The following FBXO32 variants were observed in gnomAD, a reference collection of about 807,000 sequenced individuals.
The protein encoded by FBXO32 is F-box protein 32, also known as F-box only protein 32.
In FBXO32, 15 loss-of-function variants were observed where a neutral mutation model predicts 48.3. The observed-to-expected ratio is 0.31, with a 90% CI of 0.21 to 0.48. FBXO32 has a LOEUF of 0.48. FBXO32 is among the 20% of genes least tolerant of loss of function. The pLI is 0.99. For missense variants in FBXO32, 309 were observed against 432.7 expected (o/e 0.71, Z 2.54); for synonymous variants, 154 against 165.9 (o/e 0.93, Z 0.55).
At chr8:123,533,053 T>G in intron 3 of FBXO32, 138 bp downstream of exon 3, 1 of 649,932 alleles carries the variant, frequency 1.5e-6, no homozygotes, top group South Asian at 2.0e-5. Context: ...GGCTAAATAA[T>G]AGACTAATAG....
rs1477103053 is a variant in FBXO32 at position 123,540,865 on chromosome 8, G to C, written c.116+34C>G. ...CCCCAGACCAGCCCGGGTCAGTTTC[G>C]CGGGGGCTGGAAGTTGGTAGCGGGT... is the stretch of plus-strand genomic sequence containing the variant. On this transcript the variant is annotated intron_variant, in intron 1 of 8. Coordinates refer to ENST00000517956, the MANE Select transcript of FBXO32 (RefSeq NM_058229.4). This position sits in a 1 kb window ranked among gnomAD's most constrained non-coding sequence, Gnocchi z 6.4. 1.3e-6 allele frequency: 2 copies of C among 1,568,084 alleles called. No homozygotes were observed. Among genetic ancestry groups the C allele is most frequent in the South Asian group, 2.2e-5 (2 of 89,388 alleles).
At position 123,511,292 on chromosome 8, in the gene FBXO32, A is replaced by G. The variant is rs529813024; in HGVS notation, c.651+1906T>C. 3.3e-5 allele frequency among the ~76,000 whole-genome samples: 5 copies of G among 152,170 alleles called. No individual in the cohort carries two copies. In the South Asian group the frequency reaches 1.0e-3, roughly 32 times the overall value. On this transcript the variant is annotated intron_variant, in intron 6 of 8. Coordinates refer to ENST00000517956, the MANE Select transcript of FBXO32 (RefSeq NM_058229.4). ...TGGTCCCCACTCCACCTCCACTCCA[A>G]GAGGGGTAACAACAGCTACAATAGC...
chr8:123,533,568 G>A (rs1468008207), intron 2 of FBXO32, among the ~76,000 whole-genome samples: 1 of 152,204 alleles, frequency 6.6e-6, no homozygotes, highest in Non-Finnish European at 1.5e-5. Flanking sequence ...AGCACTGTGG[G>A]AGGTTGAGGC....
chr8:123,518,943 T>A (rs918348140), intron 4 of FBXO32, among the ~76,000 whole-genome samples: 11 of 152,146 alleles, frequency 7.2e-5, no homozygotes, highest in Admixed American at 2.6e-4. Context: ...CACCTCAGCC[T>A]CCCAAGTAGC....
In FBXO32 at chr8:123,504,670, G is replaced by T; in HGVS notation, c.912C>A (p.Tyr304Ter). The T allele has an allele frequency of 6.2e-7, 1 of 1,614,060 alleles. No individual in the cohort carries two copies. The highest frequency in any genetic ancestry group is 8.5e-7 in the Non-Finnish European group (1 of 1,179,986). The change falls in exon 8 of 9, where the codon TAC (tyrosine) becomes TAA (stop). Residue 304 changes from tyrosine (Y) to a stop codon, truncating the protein, a stop_gained. Coordinates refer to ENST00000517956, the MANE Select transcript of FBXO32 (RefSeq NM_058229.4). LOFTEE classifies it high-confidence loss of function. ...KKMYFKLVRC[Y>*]PRKEQYGDTL... ...TATCTCCATACTGCTCTTTCCTTGG[G>T]TAACATCGGACAAGTTTGAAATACA...
intron 8 of FBXO32, among the ~76,000 whole-genome samples, chr8:123,504,344 G>A (rs1816566153): frequency 6.6e-6 from 1 of 152,048 alleles, no homozygotes; most frequent in African/African-American, 2.4e-5. Context: ...GTGTGTACCC[G>A]TACACACAGA....
chr8:123,505,055 TA>T (rs1246807082), intron 7 of FBXO32, among the ~76,000 whole-genome samples: 1 of 152,244 alleles, frequency 6.6e-6, no homozygotes, highest in Non-Finnish European at 1.5e-5. Context: ...GTGATCTCAG[TA>T]AACAACTTTA....
intron 6 of FBXO32, among the ~76,000 whole-genome samples, chr8:123,507,510 A>G (rs894398195): frequency 3.3e-5 from 5 of 150,118 alleles, no homozygotes; most frequent in Non-Finnish European, 5.9e-5. Context: ...CAGGTCCAGA[A>G]GCCTTTGGCC....
At chr8:123,515,154 GGTT>G (rs1816814251) in intron 4 of FBXO32, among the ~76,000 whole-genome samples, 1 of 152,200 alleles carries the variant, frequency 6.6e-6, no homozygotes, top group Non-Finnish European at 1.5e-5. Flanking sequence ...AATAATACAA[GGTT>G]GTTGTGAGTG....
Position 123,513,317 on chromosome 8 carries a change from A to G in FBXO32, c.532T>C (p.Cys178Arg), listed in dbSNP as rs1358590505. The change falls in exon 6 of 9, where the codon TGT (cysteine) becomes CGT (arginine). Residue 178 changes from cysteine to arginine, a missense_variant. Coordinates refer to ENST00000517956, the MANE Select transcript of FBXO32 (RefSeq NM_058229.4). This position sits in a 1 kb window ranked among gnomAD's most constrained non-coding sequence, Gnocchi z 4.3. ...ELLQTLYTSL[C>R]TLVQRVGKSV... is the part of the protein sequence containing the mutation. ...TTGCCGACTCTTTGGACCAGTGTAC[A>G]TAAGGATGTGTAGAGGGTCTGGAGT... The G allele has an allele frequency of 6.2e-7, 1 of 1,614,224 alleles. No homozygotes were observed.
intron 2 of FBXO32, among the ~76,000 whole-genome samples, chr8:123,533,600 G>C (rs1019313994): frequency 6.6e-6 from 1 of 152,174 alleles, no homozygotes; most frequent in South Asian, 2.1e-4. Context: ...TAGAGGTCAG[G>C]AGTTCGAGAC....
intron 7 of FBXO32, among the ~76,000 whole-genome samples, chr8:123,505,447 T>A (rs1157532729): frequency 7.2e-6 from 1 of 138,494 alleles, no homozygotes; most frequent in Non-Finnish European, 1.5e-5. Context: ...GTAAAAGTAC[T>A]CTACCACACA....
intron 4 of FBXO32, among the ~76,000 whole-genome samples, chr8:123,522,996 C>A (rs72709027): frequency 0.061 from 9,309 of 152,198 alleles, 431 homozygotes; most frequent in South Asian, 0.18. Context: ...TAGAAATACC[C>A]GTTCAGGGGC....
At position 123,540,328 on chromosome 8, in the gene FBXO32, G is replaced by A. The variant is rs750949744; in HGVS notation, c.116+571C>T. Among the ~76,000 whole-genome samples the A allele has an allele frequency of 2.1e-4, 32 of 152,214 alleles. No individual in the cohort carries two copies. Among genetic ancestry groups the A allele is most frequent in the Non-Finnish European group, 4.1e-4 (28 of 68,032 alleles). ...TCGCAAGTCCGCCCAGTAAGCGGCT[G>A]CCCCAGGGACCATCTGGCCGTCCCT... On this transcript the variant is annotated intron_variant, in intron 1 of 8. Coordinates refer to ENST00000517956, the MANE Select transcript of FBXO32 (RefSeq NM_058229.4). The surrounding 1 kb of genome is among the most constrained non-coding windows in gnomAD (Gnocchi z 6.4).
chr8:123,533,885 G>A lies in FBXO32; in HGVS notation c.230-645C>T, dbSNP rs575719399. ...AGCGGGGTAGATCGCTTGAGCCCTGGAGTTTGAGACCAGCCTGGGCAACAT... is the reference window on the plus strand; with the variant it reads ...AGCGGGGTAGATCGCTTGAGCCCTGAAGTTTGAGACCAGCCTGGGCAACAT... On this transcript the variant is annotated intron_variant, in intron 2 of 8. Transcript: ENST00000517956. 2.0e-5 allele frequency among the ~76,000 whole-genome samples: 3 copies of A among 151,934 alleles called. No individual in the cohort carries two copies. The East Asian group carries it at 5.8e-4, about 29-fold the overall frequency.
chr8:123,506,639 T>G lies in FBXO32; in HGVS notation c.652-65A>C. On this transcript the variant is annotated intron_variant, in intron 6 of 8. Transcript: ENST00000517956. This position sits in a 1 kb window ranked among gnomAD's most constrained non-coding sequence, Gnocchi z 4.0. ...AGCAGCGATTCACCAGGCCACACCCTCCAGGCATGCAGCTGTGCCCGTCCT... is the reference window on the plus strand; with the variant it reads ...AGCAGCGATTCACCAGGCCACACCCGCCAGGCATGCAGCTGTGCCCGTCCT... The G allele has an allele frequency of 2.1e-6, 3 of 1,396,528 alleles. No individual in the cohort carries two copies. Among genetic ancestry groups the G allele is most frequent in the Non-Finnish European group, 2.0e-6 (2 of 1,018,472 alleles). The allele number at this position is 1,396,528 out of a possible 1,614,324, so 86.5% of individuals were successfully genotyped here. A position where few individuals can be genotyped will look rare whatever the true frequency, so the allele number is the denominator to read the frequency against.
chr8:123,539,648 A>G (rs1817373970), intron 1 of FBXO32, among the ~76,000 whole-genome samples: 2 of 152,226 alleles, frequency 1.3e-5, no homozygotes, highest in South Asian at 2.1e-4. Context: ...TTGATGCATT[A>G]CAAATCACAA....
At position 123,540,798 on chromosome 8, in the gene FBXO32, C is replaced by T. The variant is rs1817395189; in HGVS notation, c.116+101G>A. ...CCGGGTCAGGGTCTCCCTCCTCAGCCCGCTCCAGCCCTGCCTGCCCCTCAT... is the reference window on the plus strand; with the variant it reads ...CCGGGTCAGGGTCTCCCTCCTCAGCTCGCTCCAGCCCTGCCTGCCCCTCAT... On this transcript the variant is annotated intron_variant, in intron 1 of 8. Transcript: ENST00000517956. The surrounding 1 kb of genome is among the most constrained non-coding windows in gnomAD (Gnocchi z 6.4). 3.0e-6 allele frequency: 3 copies of T among 1,013,670 alleles called. No individual in the cohort carries two copies. The highest frequency in any genetic ancestry group is 4.4e-6 in the Non-Finnish European group (3 of 674,274). The allele number at this position is 1,013,670 out of a possible 1,614,324, so 62.8% of individuals were successfully genotyped here.
intron 4 of FBXO32, among the ~76,000 whole-genome samples, chr8:123,526,454 T>A (rs1364267149): frequency 6.6e-6 from 1 of 152,116 alleles, no homozygotes; most frequent in African/African-American, 2.4e-5. Flanking sequence ...CTTGAGCTCC[T>A]GACCTCAAGT....
Sources: gnomAD v4.1 joint callset for allele counts (sites outside exome capture counted in the v4.1 genomes callset) on GRCh38, gnomAD v4.1.1 for gene constraint, Gnocchi (gnomAD v3.1) non-coding constraint, MANE v1.5 for transcripts, NCBI Gene and HGNC (gene_info 2026-07-23, HGNC 2026-07-21) for gene names.